RIC8A: variants seen among roughly 807,000 people sequenced by gnomAD.
RIC8A encodes the protein RIC8 guanine nucleotide exchange factor A.
In RIC8A, 37 loss-of-function variants were observed where a neutral mutation model predicts 48.4. The ratio of observed to expected loss-of-function variants is 0.77; its 90% CI spans 0.59 to 1.01. RIC8A has a LOEUF of 1.01. Ranked by LOEUF, RIC8A falls within the 50% of genes least tolerant of loss-of-function variation. The pLI is 0.00. For synonymous variants in RIC8A, 288 were observed against 283.4 expected, an observed-to-expected ratio of 1.02 and a Z score of -0.16; for missense variants, 681 against 696.8, an observed-to-expected ratio of 0.98 and a Z score of 0.25.
At chr11:210,046 A>C in intron 3 of RIC8A, 46 bp downstream of exon 3, 2 of 1,478,528 alleles carry the variant, frequency 1.4e-6, no homozygotes, top group Non-Finnish European at 1.8e-6. Context: ...CTCAGCTCCA[A>C]CATTTCCTGG....
intron 1 of RIC8A, 42 bp from the exon 2 acceptor site, chr11:209,229 C>A: frequency 6.2e-7 from 1 of 1,613,190 alleles, no homozygotes; most frequent in Non-Finnish European, 8.5e-7. Flanking sequence ...GGACGCGGAT[C>A]CTACCCCTCT....
intron 8 of RIC8A, 76 bp from the exon 9 acceptor site, chr11:213,223 T>C: frequency 8.2e-6 from 13 of 1,588,972 alleles, no homozygotes; most frequent in Non-Finnish European, 1.1e-5. Context: ...CTCACCCCAC[T>C]GGGAAAATAG....
Position 213,374 on chromosome 11 carries a change from G to A in RIC8A, c.1431G>A (p.Glu477=). The change falls in exon 9 of 10, where the codon GAG becomes GAA. Residue 477 remains glutamate (E), a synonymous_variant. Transcript: ENST00000526104. ...PMEGMTEEQK[E]HEAMKLVTMF... ...AGGGCATGACAGAGGAGCAGAAGGAGCACGAGGCCATGAAGCTGGTGACCA... is the reference window on the plus strand; with the variant it reads ...AGGGCATGACAGAGGAGCAGAAGGAACACGAGGCCATGAAGCTGGTGACCA... The A allele has an allele frequency of 6.2e-7, 1 of 1,610,312 alleles. No homozygotes were observed. The highest frequency in any genetic ancestry group is 8.5e-7 in the Non-Finnish European group (1 of 1,178,276).
At position 214,283 on chromosome 11, in the gene RIC8A, T is replaced by C. The variant is rs1334036416; in HGVS notation, c.1529T>C (p.Leu510Pro). The C allele has an allele frequency of 4.3e-6, 7 of 1,613,670 alleles. No individual in the cohort carries two copies. In the South Asian group the frequency reaches 5.5e-5, roughly 13 times the overall value. ...AGTCCCCGGGGTCATCTTACGTCCC[T>C]GCAGGATGCCATGTGCGAGACTATG... ...GMSPRGHLTSLQDAMCETMEQ... is the reference protein window; with the variant it reads ...GMSPRGHLTSPQDAMCETMEQ... The change falls in exon 10 of 10, where the codon CTG becomes CCG. Residue 510 changes from leucine to proline, a missense_variant. Transcript: ENST00000526104.
Position 207,789 on chromosome 11 carries a change from A to G in RIC8A, c.-1066A>G. ...GTTAGGAAGGATTCACAGGCGGGTC[A>G]TGAGGAAGGAGCAGACCCCTCGGGC... On this transcript the variant is annotated 5_prime_UTR_variant, in exon 1 of 10. The change abolishes an upstream ATG in the 5' untranslated region. Coordinates refer to ENST00000526104, the MANE Select transcript of RIC8A (RefSeq NM_001286134.2). 6.3e-6 allele frequency: 1 copy of G among 159,992 alleles called. No homozygotes were observed. Among genetic ancestry groups the G allele is most frequent in the Non-Finnish European group, 1.4e-5 (1 of 71,888 alleles). The allele number at this position is 159,992 out of a possible 1,614,324, so 9.9% of individuals were successfully genotyped here. A position where few individuals can be genotyped will look rare whatever the true frequency, so the allele number is the denominator to read the frequency against.
At position 212,454 on chromosome 11, in the gene RIC8A, C is replaced by T. The variant is rs1281150068; in HGVS notation, c.1008C>T (p.Ser336=). 7 of 1,613,974 alleles carry T rather than the reference C, an allele frequency of 4.3e-6. No individual in the cohort carries two copies. Among genetic ancestry groups the T allele is most frequent in the East Asian group, 2.2e-5 (1 of 44,888 alleles). ...RLKESVAPVL[S]VLTECARMHR... is the part of the protein sequence containing the mutation. Reference sequence around the variant, plus strand: ...AGGAGAGTGTAGCTCCCGTGCTGAGCGTGCTGACTGAATGTGCCCGGATGC... The same window carrying T: ...AGGAGAGTGTAGCTCCCGTGCTGAGTGTGCTGACTGAATGTGCCCGGATGC... The change falls in exon 6 of 10, where the codon AGC becomes AGT. Residue 336 remains serine, a synonymous_variant. Transcript: ENST00000526104.
chr11:209,847 GCTAA>G lies in RIC8A; in HGVS notation c.576_579del (p.Asp194HisfsTer4). ...TTCAGGAGCTGAAAGGAGTGCGCCT[GCTAA>G]CTGACACACTGGAGCTGACGCTGGG... is the stretch of plus-strand genomic sequence containing the variant. On this transcript the variant is annotated frameshift_variant, in exon 3 of 10. Transcript: ENST00000526104. LOFTEE classifies it high-confidence loss of function. The G allele has an allele frequency of 6.2e-7, 1 of 1,613,634 alleles. No individual in the cohort carries two copies. Among genetic ancestry groups the G allele is most frequent in the Non-Finnish European group, 8.5e-7 (1 of 1,180,046 alleles).
In RIC8A at chr11:211,562, T is replaced by G. The variant is rs1040730683; in HGVS notation, c.969+213T>G. 15 of 514,588 alleles carry G rather than the reference T, an allele frequency of 2.9e-5. No individual in the cohort carries two copies. Among genetic ancestry groups the G allele is most frequent in the Non-Finnish European group, 5.1e-5 (15 of 293,164 alleles). The allele number at this position is 514,588 out of a possible 1,614,324, so 31.9% of individuals were successfully genotyped here. A position where few individuals can be genotyped will look rare whatever the true frequency, so the allele number is the denominator to read the frequency against. ...AAGCATGTGGACACCTTCCACACAC[T>G]TGAAGGTTTCACTTCTTAAATCTTT... On this transcript the variant is annotated intron_variant, in intron 5 of 9. Coordinates refer to ENST00000526104, the MANE Select transcript of RIC8A (RefSeq NM_001286134.2). The surrounding 1 kb of genome is among the most constrained non-coding windows in gnomAD (Gnocchi z 4.0).
chr11:209,206 C>T (rs1367834842), intron 1 of RIC8A, 65 bp from the exon 2 acceptor site: 25 of 1,594,418 alleles, frequency 1.6e-5, no homozygotes, highest in Non-Finnish European at 2.1e-5. Context: ...GCCAATAGGC[C>T]GCCCGCATCA....
At position 208,818 on chromosome 11, in the gene RIC8A, G is replaced by T. The variant is rs750262090; in HGVS notation, c.-37G>T. 3.8e-6 allele frequency: 6 copies of T among 1,576,820 alleles called. No homozygotes were observed. The Admixed American group carries it at 8.8e-5, about 23-fold the overall frequency. On this transcript the variant is annotated 5_prime_UTR_variant, in exon 1 of 10. Transcript: ENST00000526104. This position sits in a 1 kb window ranked among gnomAD's most constrained non-coding sequence, Gnocchi z 4.8. Reference sequence around the variant, plus strand: ...GGCCGGCGAACTGCGGCCCGGAACGGCTGAGGAAGGGCCCGTCCCGCCTTC... The same window carrying T: ...GGCCGGCGAACTGCGGCCCGGAACGTCTGAGGAAGGGCCCGTCCCGCCTTC...
chr11:208,805 G>T lies in RIC8A; in HGVS notation c.-50G>T. 1 of 1,515,786 alleles carries T rather than the reference G, an allele frequency of 6.6e-7. No homozygotes were observed. The highest frequency in any genetic ancestry group is 9.0e-7 in the Non-Finnish European group (1 of 1,112,598). The allele number at this position is 1,515,786 out of a possible 1,614,324, so 93.9% of individuals were successfully genotyped here. A position where few individuals can be genotyped will look rare whatever the true frequency, so the allele number is the denominator to read the frequency against. ...TGGGCCAGGGCGGGGCCGGCGAACT[G>T]CGGCCCGGAACGGCTGAGGAAGGGC... On this transcript the variant is annotated 5_prime_UTR_variant, in exon 1 of 10. Coordinates refer to ENST00000526104, the MANE Select transcript of RIC8A (RefSeq NM_001286134.2). The surrounding 1 kb of genome is among the most constrained non-coding windows in gnomAD (Gnocchi z 4.8).
rs138892974 is a variant in RIC8A at position 209,585 on chromosome 11, C to G, written c.311C>G (p.Ser104Cys). The change falls in exon 3 of 10, where the codon TCC becomes TGC. Residue 104 changes from serine (S) to cysteine (C), a missense_variant. Ser to Cys is a moderately radical substitution (Grantham distance 112). Transcript: ENST00000526104. ...GCTGACATCTCTGTCTCTGAGGGGTCCGTCCCAGAGTCCGCAGACATGGAT... is the reference window on the plus strand; with the variant it reads ...GCTGACATCTCTGTCTCTGAGGGGTGCGTCCCAGAGTCCGCAGACATGGAT... Reference protein sequence around the residue: ...CYADISVSEGSVPESADMDVV... With the variant: ...CYADISVSEGCVPESADMDVV... 4.3e-6 allele frequency: 7 copies of G among 1,613,952 alleles called. No individual in the cohort carries two copies. Among genetic ancestry groups the G allele is most frequent in the African/African-American group, 1.3e-5 (1 of 74,944 alleles).
Position 214,330 on chromosome 11 carries a change from C to T in RIC8A, c.1576C>T (p.Pro526Ser). The T allele has an allele frequency of 1.9e-6, 3 of 1,605,568 alleles. No homozygotes were observed. The highest frequency in any genetic ancestry group is 2.6e-6 in the Non-Finnish European group (3 of 1,175,970). ...ETMEQQLSSD[P>S]DSDPD ...TATGGAGCAGCAGCTCTCCTCGGAC[C>T]CTGACTCGGACCCTGACTGAGGATG... Residue 526 changes from proline (P) to serine (S), a missense_variant, in exon 10 of 10, where the codon CCT becomes TCT. Coordinates refer to ENST00000526104, the MANE Select transcript of RIC8A (RefSeq NM_001286134.2).
chr11:214,500 T>TTGTTCCTGTCCTG lies in RIC8A; in HGVS notation c.*151_*152insGTTCCTGTCCTGT. On this transcript the variant is annotated 3_prime_UTR_variant, in exon 10 of 10. Transcript: ENST00000526104. Reference sequence around the variant, plus strand: ...ACCCCTTCTCTTGACTCCCGTTCTGTTCATGATTTGCCTCTGGTCCAGTTT... The same window carrying TTGTTCCTGTCCTG: ...ACCCCTTCTCTTGACTCCCGTTCTGTTGTTCCTGTCCTGTCATGATTTGCCTCTGGTCCAGTTT... The TTGTTCCTGTCCTG allele has an allele frequency of 2.1e-6, 2 of 959,476 alleles. No individual in the cohort carries two copies. Among genetic ancestry groups the TTGTTCCTGTCCTG allele is most frequent in the Non-Finnish European group, 3.2e-6 (2 of 620,248 alleles). The allele number at this position is 959,476 out of a possible 1,614,324, so 59.4% of individuals were successfully genotyped here.
chr11:212,676 A>G lies in RIC8A; in HGVS notation c.1127A>G (p.Lys376Arg). Residue 376 changes from lysine to arginine, a missense_variant, in exon 7 of 10, where the codon AAG becomes AGG. By Grantham distance (26) the Lys-to-Arg change is conservative. Transcript: ENST00000526104. ...RPEVGEMLRN[K>R]LVRLMTHLDT... ...GAGGTTGGGGAGATGCTGCGGAACA[A>G]GCTTGTCCGCCTCATGACACACCTG... 6.2e-7 allele frequency: 1 copy of G among 1,614,086 alleles called. No homozygotes were observed. The highest frequency in any genetic ancestry group is 8.5e-7 in the Non-Finnish European group (1 of 1,180,024).
In RIC8A at chr11:207,948, T is replaced by C. The variant is rs1408461623; in HGVS notation, c.-907T>C. The C allele has an allele frequency of 6.6e-6, 1 of 152,206 alleles. No homozygotes were observed. The highest frequency in any genetic ancestry group is 1.9e-4 in the East Asian group (1 of 5,186). 9.4% of individuals were successfully genotyped at this position (152,206 alleles called of 1,614,324 possible). A position where few individuals can be genotyped will look rare whatever the true frequency, so the allele number is the denominator to read the frequency against. ...CCGTACAGAACGCACTACAGGAAAG[T>C]GAAGCCGGGAGAGAGACTGGGAGGC... On this transcript the variant is annotated 5_prime_UTR_variant, in exon 1 of 10. It removes the in-frame stop codon of an upstream open reading frame in the 5' UTR. Coordinates refer to ENST00000526104, the MANE Select transcript of RIC8A (RefSeq NM_001286134.2).
At chr11:213,004 CG>C (rs1416200834) in intron 8 of RIC8A, 23 bp downstream of exon 8, 7 of 1,530,706 alleles carry the variant, frequency 4.6e-6, no homozygotes, top group Non-Finnish European at 6.1e-6. Context: ...AACACACCCT[CG>C]GGTCTCCACT....
Position 209,748 on chromosome 11 carries a change from C to T in RIC8A, c.474C>T (p.His158=), listed in dbSNP as rs763844547. The change falls in exon 3 of 10, where the codon CAC becomes CAT. Residue 158 remains histidine (H), a synonymous_variant. Transcript: ENST00000526104. ...TGTACCGTGAGAGGAGCTTCCCCCA[C>T]GATGTCCAGTTCTTTGACTTGCGGC... ...VGLYRERSFP[H]DVQFFDLRLL... is the part of the protein sequence containing the mutation. 3.7e-6 allele frequency: 6 copies of T among 1,613,928 alleles called. No individual in the cohort carries two copies. In the African/African-American group the frequency reaches 5.3e-5, roughly 14 times the overall value.
In RIC8A at chr11:208,835, C is replaced by T; in HGVS notation, c.-20C>T. 1 of 1,599,994 alleles carries T rather than the reference C, an allele frequency of 6.3e-7. No homozygotes were observed. Among genetic ancestry groups the T allele is most frequent in the Non-Finnish European group, 8.5e-7 (1 of 1,173,394 alleles). The stretch of plus-strand genomic sequence containing the variant: ...CCGGAACGGCTGAGGAAGGGCCCGT[C>T]CCGCCTTCCCCGGCGCGCCATGGAG... On this transcript the variant is annotated 5_prime_UTR_variant, in exon 1 of 10. Transcript: ENST00000526104. The surrounding 1 kb of genome is among the most constrained non-coding windows in gnomAD (Gnocchi z 4.8).
Sources: gnomAD v4.1 joint callset for allele counts on GRCh38, gnomAD v4.1.1 for gene constraint, Gnocchi (gnomAD v3.1) non-coding constraint, MANE v1.5 for transcripts, NCBI Gene and HGNC (gene_info 2026-07-23, HGNC 2026-07-21) for gene names.